Variants in KHDC1 observed in about 807,000 individuals in gnomAD.
KHDC1 encodes KH domain containing 1.
KHDC1 carries 21 observed loss-of-function variants against 24.7 expected under a neutral mutation model. The ratio of observed to expected loss-of-function variants is 0.85; its 90% CI spans 0.60 to 1.23. KHDC1 has a LOEUF of 1.23. Ranked by LOEUF, KHDC1 falls within the 50% of genes most tolerant of loss-of-function variation. The probability of loss-of-function intolerance (pLI) is 0.00; values close to 1 mark genes in which losing one functional copy is unlikely to be tolerated. For missense variants in KHDC1, 274 were observed against 298.5 expected, an observed-to-expected ratio of 0.92 and a Z score of 0.61; for synonymous variants, 98 against 111.7, an observed-to-expected ratio of 0.88 and a Z score of 0.77.
chr6:73,267,406 C>G (rs1480324522), intron 2 of KHDC1, among the ~76,000 whole-genome samples: 2 of 152,098 alleles, frequency 1.3e-5, no homozygotes, highest in Non-Finnish European at 2.9e-5. Flanking sequence ...TTGCTTGAAC[C>G]TGGGAGATAG....
chr6:73,309,470 A>G (rs1768038098), intron 1 of KHDC1: 2 of 1,377,748 alleles, frequency 1.5e-6, no homozygotes, highest in Non-Finnish European at 1.9e-6. Flanking sequence ...AGTGATCCTG[A>G]AAGATCCCGG....
At chr6:73,290,275 CAAA>C in intron 2 of KHDC1, 2 of 149,116 alleles carry the variant, frequency 1.3e-5, no homozygotes, top group South Asian at 1.7e-4. Context: ...GACTTCATCC[CAAA>C]AAAAAAAAGA....
At chr6:73,306,630 C>A (rs1219144401) in intron 1 of KHDC1, among the ~76,000 whole-genome samples, 1 of 151,928 alleles carries the variant, frequency 6.6e-6, no homozygotes, top group African/African-American at 2.4e-5. Flanking sequence ...ACAGAATTCC[C>A]CAGAATAGAT....
Position 73,260,070 on chromosome 6 carries a change from TG to T in KHDC1, c.207-17541del, listed in dbSNP as rs1766953067. The stretch of plus-strand genomic sequence containing the variant: ...GGACATCTCTTCAAGCTTTTCTTGA[TG>T]GTCTATATCAGCATAGCCCCCTCCT... On this transcript the variant is annotated intron_variant, in intron 2 of 4. Coordinates refer to ENST00000370384, the Ensembl canonical transcript of KHDC1. Among the ~76,000 whole-genome samples, 9 of 152,324 alleles carry T rather than the reference TG, an allele frequency of 5.9e-5. No homozygotes were observed. The South Asian group carries it at 1.7e-3, about 28-fold the overall frequency.
chr6:73,287,278 C>T (rs929991530), intron 2 of KHDC1, among the ~76,000 whole-genome samples: 2 of 152,098 alleles, frequency 1.3e-5, no homozygotes, highest in African/African-American at 4.8e-5. Context: ...CGATGATAGC[C>T]ACTATCCCCC....
Position 73,242,136 on chromosome 6 carries a change from C to T in KHDC1, c.433G>A (p.Val145Ile), listed in dbSNP as rs754762273. Reference sequence around the variant, plus strand: ...CACTGCCTTGCCCTGTGTGGTCCGACTACAGTCACACGAGTCTGGCCTGTA... The same window carrying T: ...CACTGCCTTGCCCTGTGTGGTCCGATTACAGTCACACGAGTCTGGCCTGTA... The change falls in exon 4 of 5, where the codon GTC becomes ATC. Residue 145 changes from valine to isoleucine, a missense_variant. Val to Ile is a conservative substitution (Grantham distance 29, BLOSUM62 3). Coordinates refer to ENST00000370384, the Ensembl canonical transcript of KHDC1. 70 of 1,614,190 alleles carry T rather than the reference C, an allele frequency of 4.3e-5. 1 individual carries two copies. Among genetic ancestry groups the T allele is most frequent in the Middle Eastern group, 1.6e-4 (1 of 6,062 alleles).
intron 2 of KHDC1, among the ~76,000 whole-genome samples, chr6:73,250,583 T>C (rs1766761192): frequency 6.6e-6 from 1 of 152,240 alleles, no homozygotes; most frequent in Non-Finnish European, 1.5e-5. Context: ...TTGGCAATAA[T>C]ACAGTGCTTT....
At chr6:73,297,283 G>T (rs1460216366) in intron 1 of KHDC1, among the ~76,000 whole-genome samples, 1 of 151,932 alleles carries the variant, frequency 6.6e-6, no homozygotes, top group Non-Finnish European at 1.5e-5. Flanking sequence ...GTATCTTGAG[G>T]ATTGTTGCAT....
chr6:73,276,147 T>C (rs1321297900), intron 2 of KHDC1: 3 of 150,862 alleles, frequency 2.0e-5, no homozygotes, highest in Non-Finnish European at 2.9e-5. Context: ...GCAGAGATCG[T>C]GCCACTGCTC....
At chr6:73,246,995 G>A (rs1346221275) in intron 2 of KHDC1, among the ~76,000 whole-genome samples, 1 of 145,904 alleles carries the variant, frequency 6.9e-6, no homozygotes, top group Non-Finnish European at 1.5e-5. Context: ...TGTTTTTTTT[G>A]AGACAGAGTT....
At chr6:73,307,623 G>T (rs150546537) in intron 1 of KHDC1, among the ~76,000 whole-genome samples, 38 of 152,186 alleles carry the variant, frequency 2.5e-4, no homozygotes, top group Middle Eastern at 3.4e-3. Flanking sequence ...CAGGCTTTCC[G>T]CAAGCAACGC....
chr6:73,284,142 G>GT (rs1168386002), intron 2 of KHDC1, among the ~76,000 whole-genome samples: 3 of 152,108 alleles, frequency 2.0e-5, no homozygotes, highest in Non-Finnish European at 2.9e-5. Context: ...AACAGCCTTT[G>GT]TAAGACTAAT....
intron 2 of KHDC1, chr6:73,274,943 T>C (rs1767253077): frequency 6.5e-6 from 1 of 152,784 alleles, no homozygotes. Flanking sequence ...GGGAGCCAAT[T>C]AGCGGGTGCC....
chr6:73,263,170 CCGCGCGAGG>C (rs967560026), intron 2 of KHDC1: 2 of 986,968 alleles, frequency 2.0e-6, no homozygotes, highest in African/African-American at 1.7e-5. Flanking sequence ...CGCGCCGCGG[CCGCGCGAGG>C]CGCGCTCGAG....
chr6:73,286,228 G>A (rs1242338609), intron 2 of KHDC1, among the ~76,000 whole-genome samples: 1 of 151,904 alleles, frequency 6.6e-6, no homozygotes, highest in African/African-American at 2.4e-5. Flanking sequence ...GTTTGTGTGG[G>A]GTTTTTTTAA....
chr6:73,293,140 T>C lies in KHDC1; in HGVS notation c.164-1100A>G, dbSNP rs567718933. Reference sequence around the variant, plus strand: ...TTATGGTAACAATGTACTCTCACCCTATCAGCAAGTGATTGAAAAGACCAA... The same window carrying C: ...TTATGGTAACAATGTACTCTCACCCCATCAGCAAGTGATTGAAAAGACCAA... On this transcript the variant is annotated intron_variant, in intron 1 of 4. Transcript: ENST00000370384. 1,170 of 779,844 alleles carry C rather than the reference T, an allele frequency of 1.5e-3. 3 individuals are homozygous for C. Among genetic ancestry groups the C allele is most frequent in the Non-Finnish European group, 2.1e-3 (921 of 440,598 alleles). The allele number at this position is 779,844 out of a possible 1,614,324, so 48.3% of individuals were successfully genotyped here.
chr6:73,308,457 T>G (rs1251858118), intron 1 of KHDC1, among the ~76,000 whole-genome samples: 1 of 151,870 alleles, frequency 6.6e-6, no homozygotes, highest in East Asian at 1.9e-4. Flanking sequence ...GTGATCCACC[T>G]GCCTCAGCCT....
intron 2 of KHDC1, among the ~76,000 whole-genome samples, chr6:73,252,184 A>G (rs1475963288): frequency 6.6e-6 from 1 of 151,828 alleles, no homozygotes; most frequent in Non-Finnish European, 1.5e-5. Context: ...CAGGGACTAC[A>G]GGCCTGAGCC....
intron 2 of KHDC1, among the ~76,000 whole-genome samples, chr6:73,261,867 G>A (rs1451861557): frequency 1.3e-5 from 2 of 149,146 alleles, no homozygotes; most frequent in South Asian, 2.1e-4. Context: ...AGCCAAGATC[G>A]CACCACTGCA....
Sources: gnomAD v4.1 joint callset for allele counts (sites outside exome capture counted in the v4.1 genomes callset) on GRCh38, gnomAD v4.1.1 for gene constraint, MANE v1.5 for transcripts, NCBI Gene and HGNC (gene_info 2026-07-23, HGNC 2026-07-21) for gene names.